Variants in PPP1R12A observed in about 807,000 individuals in gnomAD.
PPP1R12A encodes the protein myosin binding subunit.
A neutral mutation model predicts 139.6 loss-of-function variants in PPP1R12A; 19 were observed. That is an observed-to-expected ratio of 0.14 (90% confidence interval 0.09 to 0.20). The LOEUF (loss-of-function observed/expected upper bound fraction) is 0.20, where lower values mean the gene tolerates loss of function less well. PPP1R12A is among the 10% of genes least tolerant of loss of function. The probability of loss-of-function intolerance (pLI) is 1.00; values close to 1 mark genes in which losing one functional copy is unlikely to be tolerated. For synonymous variants in PPP1R12A, 427 were observed against 420.6 expected (o/e 1.02, Z -0.19); for missense variants, 925 against 1,211.5 (o/e 0.76, Z 3.51).
chr12:79,897,326 A>T (rs529668757), intron 1 of PPP1R12A, among the ~76,000 whole-genome samples: 55 of 152,306 alleles, frequency 3.6e-4, no homozygotes, highest in African/African-American at 1.3e-3. Context: ...GTTCTAACTT[A>T]TAAGTGTGAG....
intron 3 of PPP1R12A, among the ~76,000 whole-genome samples, chr12:79,836,107 T>C (rs1370575798): frequency 6.6e-6 from 1 of 152,206 alleles, no homozygotes; most frequent in African/African-American, 2.4e-5. Context: ...ATTTTCCAAA[T>C]AGACCTTATG....
chr12:79,775,911 TTGC>T lies in PPP1R12A; in HGVS notation c.*15_*17del, dbSNP rs777055449. 2.2e-5 allele frequency: 34 copies of T among 1,518,474 alleles called. No homozygotes were observed. Among genetic ancestry groups the T allele is most frequent in the East Asian group, 9.4e-5 (4 of 42,450 alleles). The allele number at this position is 1,518,474 out of a possible 1,614,324, so 94.1% of individuals were successfully genotyped here. On this transcript the variant is annotated 3_prime_UTR_variant, in exon 25 of 25. Coordinates refer to ENST00000450142, the MANE Select transcript of PPP1R12A (RefSeq NM_002480.3). ...TTACTAATATGTGCAATTCCATTAC[TTGC>T]TGCTTTTTTTTTTTTTATTTGGAAA...
intron 1 of PPP1R12A, among the ~76,000 whole-genome samples, chr12:79,926,888 T>C (rs1216727651): frequency 6.6e-6 from 1 of 152,044 alleles, no homozygotes; most frequent in East Asian, 1.9e-4. Context: ...AAAAATTTAC[T>C]GTAAATGATT....
At chr12:79,931,164 A>G (rs577051347) in intron 1 of PPP1R12A, among the ~76,000 whole-genome samples, 1 of 152,348 alleles carries the variant, frequency 6.6e-6, no homozygotes, top group South Asian at 2.1e-4. Flanking sequence ...GGATAAACGT[A>G]AAATTATAAT....
intron 19 of PPP1R12A, among the ~76,000 whole-genome samples, chr12:79,792,757 G>T (rs1872049333): frequency 6.6e-6 from 1 of 152,092 alleles, no homozygotes; most frequent in Non-Finnish European, 1.5e-5. Context: ...TGTCAGATGG[G>T]GATGGTTTAC....
chr12:79,935,276 C>G, upstream of PPP1R12A: 1 of 1,085,436 alleles, frequency 9.2e-7, no homozygotes, highest in South Asian at 3.7e-5. Flanking sequence ...GAAGAGCGCT[C>G]CCGCGAACTG....
chr12:79,897,714 C>T (rs1230827420), intron 1 of PPP1R12A, among the ~76,000 whole-genome samples: 1 of 152,122 alleles, frequency 6.6e-6, no homozygotes, highest in Non-Finnish European at 1.5e-5. Flanking sequence ...GGTACCACAT[C>T]CTGCATCTCC....
intron 2 of PPP1R12A, among the ~76,000 whole-genome samples, chr12:79,863,429 C>T (rs1008674717): frequency 6.6e-6 from 1 of 152,084 alleles, no homozygotes; most frequent in Non-Finnish European, 1.5e-5. Flanking sequence ...AAATAACCAG[C>T]TGGCATCATA....
In PPP1R12A at chr12:79,775,869, A is replaced by G; in HGVS notation, c.*60T>C. 2 of 1,216,182 alleles carry G rather than the reference A, an allele frequency of 1.6e-6. No homozygotes were observed. The highest frequency in any genetic ancestry group is 1.6e-5 in the South Asian group (1 of 61,640). The allele number at this position is 1,216,182 out of a possible 1,614,324, so 75.3% of individuals were successfully genotyped here. A position where few individuals can be genotyped will look rare whatever the true frequency, so the allele number is the denominator to read the frequency against. ...TCTTCCCAGACTTCCAGTGACTGCC[A>G]ATTATGGTCCACTGGGTTACTAATA... On this transcript the variant is annotated 3_prime_UTR_variant, in exon 25 of 25. Coordinates refer to ENST00000450142, the MANE Select transcript of PPP1R12A (RefSeq NM_002480.3).
At chr12:79,896,170 T>C (rs1885112776) in intron 1 of PPP1R12A, among the ~76,000 whole-genome samples, 1 of 152,138 alleles carries the variant, frequency 6.6e-6, no homozygotes, top group Non-Finnish European at 1.5e-5. Context: ...CCTAAATTTA[T>C]TCTGGTACAA....
chr12:79,881,355 A>G (rs536864883), intron 1 of PPP1R12A, among the ~76,000 whole-genome samples: 3 of 152,338 alleles, frequency 2.0e-5, no homozygotes, highest in Admixed American at 6.5e-5. Context: ...CAGTGAACAC[A>G]CAAATGGTAA....
chr12:79,926,334 C>T (rs1440406542), intron 1 of PPP1R12A, among the ~76,000 whole-genome samples: 2 of 152,102 alleles, frequency 1.3e-5, no homozygotes, highest in African/African-American at 2.4e-5. Context: ...TACAGGCATG[C>T]GCCACCATGC....
rs1319885655 is a variant in PPP1R12A, at chr12:79,845,311, T to C, written c.478A>G (p.Asn160Asp). 1.2e-6 allele frequency: 2 copies of C among 1,607,438 alleles called. No individual in the cohort carries two copies. Among genetic ancestry groups the C allele is most frequent in the Non-Finnish European group, 1.7e-6 (2 of 1,174,468 alleles). ...AMEELLQNEV[N>D]RQGVDIEAAR... is the part of the protein sequence containing the mutation. ...TTGCTTTTTATTTTACCTTGCCGAT[T>C]AACTTCATTTTGAAGTAGCTCTTCC... Residue 160 changes from asparagine to aspartate, a missense_variant, in exon 3 of 25, where the codon AAT becomes GAT. By Grantham distance (23) the Asn-to-Asp change is conservative. Coordinates refer to ENST00000450142, the MANE Select transcript of PPP1R12A (RefSeq NM_002480.3).
chr12:79,810,110 T>C (rs998097092), intron 9 of PPP1R12A, 100 bp from the exon 10 acceptor site: 1 of 961,906 alleles, frequency 1.0e-6, no homozygotes, highest in African/African-American at 1.7e-5. Context: ...TATTTAAAAT[T>C]ATGGTTTACA....
chr12:79,881,195 T>C lies in PPP1R12A; in HGVS notation c.238-8257A>G, dbSNP rs114386964. On this transcript the variant is annotated intron_variant, in intron 1 of 24. Coordinates refer to ENST00000450142, the MANE Select transcript of PPP1R12A (RefSeq NM_002480.3). The stretch of plus-strand genomic sequence containing the variant: ...AGTACTCAAGTGAAAGGAAGAGTCA[T>C]GTGTCTCTCATTTTAAATTAAAAGC... Among the ~76,000 whole-genome samples, 819 of 152,288 alleles carry C rather than the reference T, an allele frequency of 5.4e-3. 5 individuals carry two copies. Among genetic ancestry groups the C allele is most frequent in the African/African-American group, 0.019 (778 of 41,562 alleles).
intron 18 of PPP1R12A, among the ~76,000 whole-genome samples, chr12:79,795,229 C>A (rs1872378394): frequency 6.6e-6 from 1 of 152,066 alleles, no homozygotes; most frequent in Non-Finnish European, 1.5e-5. Context: ...ATAAGCAAAG[C>A]ACTGTGTCTA....
intron 18 of PPP1R12A, among the ~76,000 whole-genome samples, 172 bp from the exon 19 acceptor site, chr12:79,794,100 G>C (rs1441456687): frequency 3.3e-5 from 5 of 151,978 alleles, no homozygotes; most frequent in African/African-American, 4.8e-5. Flanking sequence ...TTGGGAGATG[G>C]AGTGGGAATT....
intron 4 of PPP1R12A, among the ~76,000 whole-genome samples, chr12:79,831,070 C>T (rs1486161929): frequency 6.6e-6 from 1 of 151,968 alleles, no homozygotes; most frequent in African/African-American, 2.4e-5. Context: ...TAACTCAGTA[C>T]TCATATACAT....
intron 22 of PPP1R12A, 25 bp from the exon 23 acceptor site, chr12:79,781,887 A>C: frequency 6.7e-7 from 1 of 1,493,572 alleles, no homozygotes. Flanking sequence ...GAAATTATAA[A>C]AGAGATAAGT....
Sources: allele counts gnomAD v4.1 joint callset (sites outside exome capture counted in the v4.1 genomes callset), GRCh38; gene constraint gnomAD v4.1.1; transcripts MANE v1.5; gene names NCBI Gene and HGNC (gene_info 2026-07-23, HGNC 2026-07-21).